The following CAP1 variants were observed in gnomAD, a reference collection of about 807,000 sequenced individuals.
The protein encoded by CAP1 is cyclase associated actin cytoskeleton regulatory protein 1, also known as adenylyl cyclase-associated protein 1.
A neutral mutation model predicts 58.2 loss-of-function variants in CAP1; 11 were observed. That is an observed-to-expected ratio of 0.19 (90% CI 0.12 to 0.31). The LOEUF (loss-of-function observed/expected upper bound fraction) is 0.31. CAP1 is among the 10% of genes least tolerant of loss of function. The pLI, the probability that CAP1 is intolerant of heterozygous loss-of-function variation, is 1.00. For synonymous variants in CAP1, 183 were observed against 213.8 expected, an observed-to-expected ratio of 0.86 and a Z score of 1.26; for missense variants, 423 against 587.5, an observed-to-expected ratio of 0.72 and a Z score of 2.89.
intron 1 of CAP1, among the ~76,000 whole-genome samples, chr1:40,056,355 G>C (rs181938910): frequency 6.6e-6 from 1 of 151,006 alleles, no homozygotes; most frequent in Non-Finnish European, 1.5e-5. Flanking sequence ...GGAGTGCATG[G>C]TACAATCACT....
intron 1 of CAP1, among the ~76,000 whole-genome samples, chr1:40,042,527 G>T (rs1027035149): frequency 6.6e-6 from 1 of 152,218 alleles, no homozygotes; most frequent in African/African-American, 2.4e-5. Context: ...AGTGTGACTG[G>T]AATTCTAGTA....
intron 1 of CAP1, among the ~76,000 whole-genome samples, chr1:40,041,129 C>T (rs1645805438): frequency 6.6e-6 from 1 of 152,204 alleles, no homozygotes; most frequent in Non-Finnish European, 1.5e-5. Flanking sequence ...GTTGATGCTC[C>T]CATTGCACTG....
chr1:40,054,498 G>A (rs1206880289), intron 1 of CAP1, among the ~76,000 whole-genome samples: 3 of 152,168 alleles, frequency 2.0e-5, no homozygotes, highest in Non-Finnish European at 2.9e-5. Context: ...TATGTTTATA[G>A]TAGTGGAATT....
chr1:40,066,346 C>T (rs1647081482), intron 7 of CAP1, 26 bp downstream of exon 7: 1 of 1,145,204 alleles, frequency 8.7e-7, no homozygotes, highest in Non-Finnish European at 1.3e-6. Context: ...CTCCCTCCCT[C>T]CCTCCCTCCC....
At chr1:40,056,280 G>A (rs552099709) in intron 1 of CAP1, among the ~76,000 whole-genome samples, 3 of 148,860 alleles carry the variant, frequency 2.0e-5, no homozygotes, top group Non-Finnish European at 3.0e-5. Context: ...TCCAGGTAGC[G>A]ATGTCTAGGT....
rs111910262 is a variant in CAP1 at position 40,051,844 on chromosome 1, C to T, written c.-10-7493C>T. On this transcript the variant is annotated intron_variant, in intron 1 of 12. Coordinates refer to ENST00000372805, the MANE Select transcript of CAP1 (RefSeq NM_006367.4). ...TCGGCCTCCCAAAGTGCTGGGATTA[C>T]AGGCGTGAGCCACCGCGCCCAGCCT... Among the ~76,000 whole-genome samples the T allele has an allele frequency of 7.1e-3, 1,076 of 152,228 alleles. 10 individuals are homozygous for T. Among genetic ancestry groups the T allele is most frequent in the African/African-American group, 0.025 (1,037 of 41,552 alleles).
Position 40,070,239 on chromosome 1 carries a change from C to A in CAP1, c.1074C>A (p.Asn358Lys), listed in dbSNP as rs368794945. The change falls in exon 10 of 13, where the codon AAC becomes AAA. Residue 358 changes from asparagine to lysine, a missense_variant. By Grantham distance (94) the Asn-to-Lys change is moderately conservative. Transcript: ENST00000372805. ...KQVAYIYKCVNTTLQIKGKIN... is the reference protein window; with the variant it reads ...KQVAYIYKCVKTTLQIKGKIN... ...TGGCTTACATATACAAGTGTGTCAA[C>A]ACGACATTGCAAATCAAGGGCAAAA... 42 of 1,614,178 alleles carry A rather than the reference C, an allele frequency of 2.6e-5. No individual in the cohort carries two copies. In the South Asian group the frequency reaches 4.6e-4, roughly 18 times the overall value.
At chr1:40,051,151 T>C (rs1646349067) in intron 1 of CAP1, among the ~76,000 whole-genome samples, 1 of 152,218 alleles carries the variant, frequency 6.6e-6, no homozygotes, top group African/African-American at 2.4e-5. Context: ...TAGTAATTTA[T>C]GTAATTCAGA....
chr1:40,070,016 A>G (rs1647555220), intron 9 of CAP1, 142 bp downstream of exon 9: 1 of 1,401,354 alleles, frequency 7.1e-7, no homozygotes, highest in Admixed American at 2.2e-5. Flanking sequence ...GAAAAGGAGT[A>G]GGAACAGGAG....
At chr1:40,059,194 T>C (rs3122417) in intron 1 of CAP1, 143 bp from the exon 2 acceptor site, 394,907 of 549,692 alleles carry the variant, frequency 0.72, 143,016 homozygotes, top group Non-Finnish European at 0.74. Context: ...TTGCAGATGA[T>C]ATCTAATTTT....
At chr1:40,051,858 C>A (rs544828306) in intron 1 of CAP1, among the ~76,000 whole-genome samples, 1 of 152,082 alleles carries the variant, frequency 6.6e-6, no homozygotes, top group Non-Finnish European at 1.5e-5. Context: ...CGTGAGCCAC[C>A]GCGCCCAGCC....
chr1:40,051,395 TACACAC>T (rs10561660), intron 1 of CAP1, among the ~76,000 whole-genome samples: 1 of 150,924 alleles, frequency 6.6e-6, no homozygotes, highest in Non-Finnish European at 1.5e-5. Flanking sequence ...ATCACACACA[TACACAC>T]ACACACACAC....
rs776787184 is a variant in CAP1, at chr1:40,071,440, T to G, written c.1345-10T>G. The G allele has an allele frequency of 1.0e-5, 16 of 1,602,392 alleles. No homozygotes were observed. In the South Asian group the frequency reaches 1.7e-4, roughly 17 times the overall value. ...CAGATTTAAACCTGCTGTCTCTTCT[T>G]TATTTGCAGAATGAATTCCCAGTTC... On this transcript the variant is annotated splice_polypyrimidine_tract_variant and intron_variant, in intron 12 of 12. Transcript: ENST00000372805.
intron 1 of CAP1, among the ~76,000 whole-genome samples, chr1:40,047,386 A>G (rs974560712): frequency 3.9e-5 from 6 of 152,176 alleles, no homozygotes; most frequent in African/African-American, 7.2e-5. Flanking sequence ...AAACTTTTCC[A>G]TTTGGCTGGA....
intron 1 of CAP1, among the ~76,000 whole-genome samples, chr1:40,048,453 A>G (rs952212601): frequency 6.6e-6 from 1 of 152,220 alleles, no homozygotes; most frequent in African/African-American, 2.4e-5. Context: ...TTCTGGTAGC[A>G]TGTGTAGGTT....
intron 1 of CAP1, among the ~76,000 whole-genome samples, chr1:40,050,794 C>G (rs1646327857): frequency 6.6e-6 from 1 of 152,202 alleles, no homozygotes; most frequent in African/African-American, 2.4e-5. Flanking sequence ...GTTTATCAGA[C>G]AGTACTTGTA....
At chr1:40,060,195 C>A in intron 3 of CAP1, 25 bp downstream of exon 3, 1 of 1,578,522 alleles carries the variant, frequency 6.3e-7, no homozygotes, top group South Asian at 1.1e-5. Context: ...CCTTTTTCCC[C>A]TTCTTTTAAG....
Position 40,055,207 on chromosome 1 carries a change from T to C in CAP1, c.-10-4130T>C, listed in dbSNP as rs1368659827. Among the ~76,000 whole-genome samples the C allele has an allele frequency of 2.0e-5, 3 of 152,276 alleles. 1 individual carries two copies. In the East Asian group the frequency reaches 5.8e-4, roughly 29 times the overall value. On this transcript the variant is annotated intron_variant, in intron 1 of 12. Transcript: ENST00000372805. ...CGCAAGTAGTCCCGGGTTGCTGTAGTGTGCTAAGGAAAGGTGTAGCAAGAG... is the reference window on the plus strand; with the variant it reads ...CGCAAGTAGTCCCGGGTTGCTGTAGCGTGCTAAGGAAAGGTGTAGCAAGAG...
chr1:40,070,942 A>G lies in CAP1; in HGVS notation c.1307A>G (p.Glu436Gly). Residue 436 changes from glutamate (E) to glycine (G), a missense_variant, in exon 12 of 13, where the codon GAG (glutamate) becomes GGG (glycine). Transcript: ENST00000372805. ...GAAATAGTCAGTGCCAAATCTTCCGAGATGAATGTCCTCATTCCTACAGAA... is the reference window on the plus strand; with the variant it reads ...GAAATAGTCAGTGCCAAATCTTCCGGGATGAATGTCCTCATTCCTACAGAA... ...DCEIVSAKSS[E>G]MNVLIPTEGG... 1 of 1,614,054 alleles carries G rather than the reference A, an allele frequency of 6.2e-7. No homozygotes were observed. The highest frequency in any genetic ancestry group is 1.1e-5 in the South Asian group (1 of 91,088).
Sources: gnomAD v4.1 joint callset for allele counts (sites outside exome capture counted in the v4.1 genomes callset) on GRCh38, gnomAD v4.1.1 for gene constraint, MANE v1.5 for transcripts, NCBI Gene and HGNC (gene_info 2026-07-23, HGNC 2026-07-21) for gene names.